The following PFKP variants were observed in gnomAD, a reference collection of about 807,000 sequenced individuals.
PFKP encodes the protein ATP-dependent 6-phosphofructokinase, platelet type.
A neutral mutation model predicts 94.3 loss-of-function variants in PFKP; 101 were observed. That is an observed-to-expected ratio of 1.07 (90% CI 0.91 to 1.26). The LOEUF (loss-of-function observed/expected upper bound fraction) is 1.26, where lower values mean the gene tolerates loss of function less well. PFKP is among the 50% of genes most tolerant of loss of function. PFKP has a pLI of 0.00. For synonymous variants in PFKP, 573 were observed against 432.6 expected (o/e 1.32, Z -4.03); for missense variants, 1,145 against 1,103.3 (o/e 1.04, Z -0.53).
chr10:3,134,860 C>T (rs960749713), intron 20 of PFKP, among the ~76,000 whole-genome samples: 21 of 152,216 alleles, frequency 1.4e-4, no homozygotes, highest in Admixed American at 9.8e-4. Flanking sequence ...AGATCCTGAA[C>T]GTTGGCCAGC....
chr10:3,115,112 GC>G (rs1173125683), intron 13 of PFKP, among the ~76,000 whole-genome samples: 1 of 152,208 alleles, frequency 6.6e-6, no homozygotes, highest in Non-Finnish European at 1.5e-5. Context: ...TCCATTCCTG[GC>G]CTGAGCACAT....
intron 16 of PFKP, 77 bp from the exon 17 acceptor site, chr10:3,129,742 C>T (rs1330537769): frequency 2.6e-6 from 4 of 1,509,528 alleles, no homozygotes; most frequent in African/African-American, 1.4e-5. Context: ...TTGCTGCACT[C>T]ACTCTTGGGG....
At chr10:3,109,577 CACGATGCATT>C in intron 10 of PFKP, 97 bp downstream of exon 10, 1 of 1,427,590 alleles carries the variant, frequency 7.0e-7, no homozygotes, top group South Asian at 1.2e-5. Flanking sequence ...CTCGTCGGTG[CACGATGCATT>C]ACACGGCCTT....
intron 2 of PFKP, among the ~76,000 whole-genome samples, chr10:3,089,213 C>T (rs1452792277): frequency 1.3e-5 from 2 of 152,184 alleles, no homozygotes; most frequent in Non-Finnish European, 2.9e-5. Context: ...GGATTACAAG[C>T]ATGAACCACC....
chr10:3,109,624 G>A, intron 10 of PFKP, 144 bp downstream of exon 10: 1 of 999,736 alleles, frequency 1.0e-6, no homozygotes, highest in Non-Finnish European at 1.5e-6. Flanking sequence ...GCTGCCCGTG[G>A]GGAGGGAGAA....
At chr10:3,077,646 G>A (rs1197588994) in intron 1 of PFKP, among the ~76,000 whole-genome samples, 3 of 152,102 alleles carry the variant, frequency 2.0e-5, no homozygotes, top group African/African-American at 7.2e-5. Context: ...TGTAAACTGG[G>A]AAATCCAGCT....
intron 14 of PFKP, among the ~76,000 whole-genome samples, chr10:3,118,467 GGA>G (rs1491112755): frequency 6.5e-5 from 6 of 92,220 alleles, no homozygotes; most frequent in African/African-American, 2.4e-4. Context: ...ACTCCATCTT[GGA>G]AAAAAAAAAT....
At chr10:3,132,780 G>A (rs117673077) in intron 18 of PFKP, among the ~76,000 whole-genome samples, 129 of 152,268 alleles carry the variant, frequency 8.5e-4, no homozygotes, top group Non-Finnish European at 1.6e-3. Flanking sequence ...TGAACCTGGG[G>A]ATAGTACCCG....
chr10:3,083,881 G>T (rs1833278667), intron 2 of PFKP, among the ~76,000 whole-genome samples: 1 of 152,130 alleles, frequency 6.6e-6, no homozygotes, highest in Non-Finnish European at 1.5e-5. Context: ...GACCTCAGGT[G>T]ATCTGCCTGC....
At chr10:3,094,926 A>T (rs772674702) in intron 2 of PFKP, among the ~76,000 whole-genome samples, 1 of 152,234 alleles carries the variant, frequency 6.6e-6, no homozygotes, top group Non-Finnish European at 1.5e-5. Flanking sequence ...AAGCCCCTAC[A>T]TCTCTGGATG....
At chr10:3,071,783 A>G (rs1374819544) in intron 1 of PFKP, among the ~76,000 whole-genome samples, 1 of 152,226 alleles carries the variant, frequency 6.6e-6, no homozygotes, top group African/African-American at 2.4e-5. Flanking sequence ...GAAAGTCCAC[A>G]TAAATTGAGT....
intron 2 of PFKP, among the ~76,000 whole-genome samples, chr10:3,096,072 C>G (rs541136369): frequency 8.5e-5 from 13 of 152,302 alleles, no homozygotes; most frequent in Admixed American, 7.8e-4. Context: ...TCTTACTACT[C>G]CAGAAGCAAG....
At chr10:3,102,265 A>AAAAAAAAAAG (rs1835096079) in intron 4 of PFKP, among the ~76,000 whole-genome samples, 1 of 147,190 alleles carries the variant, frequency 6.8e-6, no homozygotes, top group Non-Finnish European at 1.5e-5. Flanking sequence ...AAAAAAAAAA[A>AAAAAAAAAAG]AAAAAAAACT....
Position 3,107,264 on chromosome 10 carries a change from A to C in PFKP, c.825A>C (p.Ala275=), listed in dbSNP as rs747234838. ...RLNIIIVAEG[A]IDTQNKPITS... ...ATATTATTATTGTGGCTGAAGGAGC[A>C]ATTGATACCCAAAATAAACCCATCA... is the stretch of plus-strand genomic sequence containing the variant. Residue 275 remains alanine (A), a synonymous_variant, in exon 8 of 22, where the codon GCA becomes GCC. Coordinates refer to ENST00000381125, the MANE Select transcript of PFKP (RefSeq NM_002627.5). 4 of 1,612,626 alleles carry C rather than the reference A, an allele frequency of 2.5e-6. No individual in the cohort carries two copies. The highest frequency in any genetic ancestry group is 3.4e-6 in the Non-Finnish European group (4 of 1,179,052).
chr10:3,099,375 A>G, intron 3 of PFKP, 23 bp downstream of exon 3: 1 of 1,589,240 alleles, frequency 6.3e-7, no homozygotes, highest in Non-Finnish European at 8.6e-7. Flanking sequence ...CTGCGTCCAC[A>G]GGGTTCTCTG....
intron 2 of PFKP, among the ~76,000 whole-genome samples, chr10:3,082,879 T>C (rs1267946464): frequency 6.6e-6 from 1 of 152,050 alleles, no homozygotes; most frequent in East Asian, 1.9e-4. Context: ...ACCCAGCTAA[T>C]TTTTTGTATT....
chr10:3,107,398 G>C, intron 8 of PFKP, 89 bp downstream of exon 8: 1 of 753,386 alleles, frequency 1.3e-6, no homozygotes, highest in East Asian at 2.6e-5. Context: ...TTAGAACATT[G>C]AATTATTAAC....
intron 20 of PFKP, among the ~76,000 whole-genome samples, chr10:3,134,809 GATGCAGTCTGCAGTTCTTTT>G (rs1839036554): frequency 6.6e-6 from 1 of 152,258 alleles, no homozygotes; most frequent in Non-Finnish European, 1.5e-5. Context: ...ATCACTGCTA[GATGCAGTCTGCAGTTCTTTT>G]GTGCAGGCTT....
At chr10:3,131,968 C>T (rs1838638095) in intron 17 of PFKP, among the ~76,000 whole-genome samples, 1 of 152,090 alleles carries the variant, frequency 6.6e-6, no homozygotes, top group Admixed American at 6.5e-5. Context: ...TTTGGTCAGA[C>T]ACTGCTCATC....
Sources: gnomAD v4.1 joint callset for allele counts (sites outside exome capture counted in the v4.1 genomes callset) on GRCh38, gnomAD v4.1.1 for gene constraint, MANE v1.5 for transcripts, NCBI Gene and HGNC (gene_info 2026-07-23, HGNC 2026-07-21) for gene names.